L3MBTL4: variants seen among roughly 807,000 people sequenced by gnomAD.
L3MBTL4 encodes the protein lethal(3)malignant brain tumor-like protein 4.
A neutral mutation model predicts 84.5 loss-of-function variants in L3MBTL4; 70 were observed. That is an observed-to-expected ratio of 0.83 (90% confidence interval 0.68 to 1.01). The LOEUF (loss-of-function observed/expected upper bound fraction) is 1.01, where lower values mean the gene tolerates loss of function less well. Ranked by LOEUF, L3MBTL4 falls within the 50% of genes least tolerant of loss-of-function variation. The pLI is 0.00. For synonymous variants in L3MBTL4, 274 were observed against 259.8 expected (o/e 1.05, Z -0.52); for missense variants, 715 against 754.8 (o/e 0.95, Z 0.62).
At chr18:6,107,378 C>T (rs1463767088) in intron 14 of L3MBTL4, among the ~76,000 whole-genome samples, 2 of 151,972 alleles carry the variant, frequency 1.3e-5, no homozygotes, top group African/African-American at 2.4e-5. Flanking sequence ...AGTTGGCTCT[C>T]GAATTGGGAA....
At chr18:6,274,053 ATTG>A (rs2048981941) in intron 4 of L3MBTL4, among the ~76,000 whole-genome samples, 1 of 152,248 alleles carries the variant, frequency 6.6e-6, no homozygotes, top group African/African-American at 2.4e-5. Flanking sequence ...TTTGAGAATC[ATTG>A]TTCTACTATA....
intron 1 of L3MBTL4, among the ~76,000 whole-genome samples, chr18:6,330,395 C>T (rs1000692635): frequency 6.6e-6 from 1 of 152,236 alleles, no homozygotes; most frequent in African/African-American, 2.4e-5. Flanking sequence ...TCTTGCCTTT[C>T]ACAGTTCCAG....
chr18:5,999,768 A>C (rs1266288700), intron 16 of L3MBTL4, among the ~76,000 whole-genome samples: 1 of 152,238 alleles, frequency 6.6e-6, no homozygotes, highest in Non-Finnish European at 1.5e-5. Context: ...AGAAGGGCTG[A>C]GTGGTGGCCG....
At chr18:6,377,227 T>A (rs1448717533) in intron 1 of L3MBTL4, among the ~76,000 whole-genome samples, 1 of 152,150 alleles carries the variant, frequency 6.6e-6, no homozygotes, top group Non-Finnish European at 1.5e-5. Context: ...CGTTCGAAAG[T>A]TAAGACCATA....
At chr18:6,068,315 G>A (rs895663593) in intron 16 of L3MBTL4, among the ~76,000 whole-genome samples, 1 of 152,144 alleles carries the variant, frequency 6.6e-6, no homozygotes, top group African/African-American at 2.4e-5. Flanking sequence ...GGTAGGTATT[G>A]GTGGTAGCTA....
intron 5 of L3MBTL4, 54 bp from the exon 6 acceptor site, chr18:6,244,642 A>G (rs1683929621): frequency 8.1e-7 from 1 of 1,233,936 alleles, no homozygotes; most frequent in Admixed American, 1.7e-5. Context: ...ACAGTTTTAT[A>G]TTAAGATATT....
chr18:6,388,102 AAG>A (rs1232265987), intron 1 of L3MBTL4, among the ~76,000 whole-genome samples: 1 of 152,198 alleles, frequency 6.6e-6, no homozygotes, highest in Non-Finnish European at 1.5e-5. Flanking sequence ...AAAAATTAAA[AAG>A]AGCTATGATG....
intron 17 of L3MBTL4, among the ~76,000 whole-genome samples, chr18:5,961,149 T>A (rs2095261414): frequency 6.6e-6 from 1 of 152,234 alleles, no homozygotes; most frequent in Non-Finnish European, 1.5e-5. Context: ...CCGAATTGTG[T>A]GTGCTGGCCC....
chr18:6,175,924 T>A (rs1414483005), intron 12 of L3MBTL4, among the ~76,000 whole-genome samples: 3 of 151,928 alleles, frequency 2.0e-5, no homozygotes, highest in Non-Finnish European at 2.9e-5. Flanking sequence ...AACAAAAAAA[T>A]TTAAAAAATA....
chr18:6,075,080 T>C (rs72874025), intron 16 of L3MBTL4, among the ~76,000 whole-genome samples: 7,324 of 152,164 alleles, frequency 0.048, 242 homozygotes, highest in South Asian at 0.1. Context: ...ATGATCATGT[T>C]CATGAATTGG....
chr18:6,111,968 A>G (rs1052772110), intron 14 of L3MBTL4, among the ~76,000 whole-genome samples: 8 of 152,150 alleles, frequency 5.3e-5, no homozygotes, highest in African/African-American at 1.9e-4. Context: ...TTTTGTGCCA[A>G]CATCTCCGTA....
At chr18:6,076,831 A>G (rs1397088569) in intron 16 of L3MBTL4, among the ~76,000 whole-genome samples, 1 of 152,220 alleles carries the variant, frequency 6.6e-6, no homozygotes, top group African/African-American at 2.4e-5. Flanking sequence ...AATAAATATT[A>G]AAAAGAAACA....
chr18:6,190,941 G>T (rs533014427), intron 12 of L3MBTL4, among the ~76,000 whole-genome samples: 61 of 152,334 alleles, frequency 4.0e-4, no homozygotes, highest in South Asian at 1.7e-3. Context: ...GGAAAAGCAA[G>T]AAGTCTAGTT....
intron 12 of L3MBTL4, among the ~76,000 whole-genome samples, chr18:6,192,386 G>A (rs1020438280): frequency 1.3e-5 from 2 of 152,114 alleles, no homozygotes; most frequent in Admixed American, 1.3e-4. Flanking sequence ...TGTAGATAAG[G>A]GGGTGCTTCA....
intron 5 of L3MBTL4, among the ~76,000 whole-genome samples, chr18:6,262,992 G>A (rs2048471645): frequency 6.6e-6 from 1 of 152,202 alleles, no homozygotes; most frequent in Admixed American, 6.5e-5. Flanking sequence ...TAAAGAAATG[G>A]GCTGGGCACG....
chr18:6,361,788 TCTAG>T (rs1486489311), intron 1 of L3MBTL4, among the ~76,000 whole-genome samples: 1 of 152,104 alleles, frequency 6.6e-6, no homozygotes, highest in South Asian at 2.1e-4. Context: ...TTAGGCTTTC[TCTAG>T]TGGGCCTCTG....
chr18:6,042,958 TCTC>T (rs2056465960), intron 16 of L3MBTL4, among the ~76,000 whole-genome samples: 1 of 152,156 alleles, frequency 6.6e-6, no homozygotes, highest in African/African-American at 2.4e-5. Context: ...TCTCATCCCT[TCTC>T]CTGCTATCTC....
intron 16 of L3MBTL4, among the ~76,000 whole-genome samples, chr18:6,014,284 C>G (rs751655883): frequency 6.6e-6 from 1 of 152,200 alleles, no homozygotes; most frequent in Non-Finnish European, 1.5e-5. Context: ...GATGAATTCT[C>G]TATAATGTGG....
In L3MBTL4 at chr18:6,194,749, C is replaced by T. The variant is rs947978096; in HGVS notation, c.981+18400G>A. Among the ~76,000 whole-genome samples the T allele has an allele frequency of 2.0e-5, 3 of 152,300 alleles. No homozygotes were observed. In the East Asian group the frequency reaches 5.8e-4, roughly 29 times the overall value. ...TGGAGTACAGACAAGAAACCAGCAA[C>T]GAAGACACAGGTGACAGGAAAGGCA... On this transcript the variant is annotated intron_variant, in intron 12 of 18. Coordinates refer to ENST00000317931, the MANE Select transcript of L3MBTL4 (RefSeq NM_001330559.2).
Sources: gnomAD v4.1 joint callset for allele counts (sites outside exome capture counted in the v4.1 genomes callset) on GRCh38, gnomAD v4.1.1 for gene constraint, MANE v1.5 for transcripts, NCBI Gene and HGNC (gene_info 2026-07-23, HGNC 2026-07-21) for gene names.